The following LCLAT1 variants were observed in gnomAD, a reference collection of about 807,000 sequenced individuals.
LCLAT1 encodes lysocardiolipin acyltransferase 1, also known as 1-AGP acyltransferase 8.
Under a neutral mutation model 30.7 loss-of-function variants are expected in LCLAT1, and 11 were observed. That is an observed-to-expected ratio of 0.36 (90% confidence interval 0.23 to 0.59). The LOEUF is 0.59. LCLAT1 is among the 20% of genes least tolerant of loss of function. The probability of loss-of-function intolerance (pLI) is 0.77; values close to 1 mark genes in which losing one functional copy is unlikely to be tolerated. For missense variants in LCLAT1, 402 were observed against 458.6 expected (o/e 0.88, Z 1.13); for synonymous variants, 155 against 151.3 (o/e 1.02, Z -0.18).
At chr2:30,622,912 A>G (rs776878907) in intron 5 of LCLAT1, among the ~76,000 whole-genome samples, 2 of 152,330 alleles carry the variant, frequency 1.3e-5, no homozygotes, top group East Asian at 1.9e-4. Context: ...AAGAGCCCCA[A>G]AAGATCACCT....
At chr2:30,473,008 A>T (rs1296959333) in intron 1 of LCLAT1, among the ~76,000 whole-genome samples, 2 of 152,192 alleles carry the variant, frequency 1.3e-5, no homozygotes, top group South Asian at 4.1e-4. Flanking sequence ...GTTGAAAAAA[A>T]AATGATTTGT....
chr2:30,553,980 G>T (rs1664798992), intron 3 of LCLAT1, among the ~76,000 whole-genome samples: 2 of 152,148 alleles, frequency 1.3e-5, no homozygotes, highest in South Asian at 4.1e-4. Flanking sequence ...GATACAATTT[G>T]CATTGATGAC....
intron 5 of LCLAT1, among the ~76,000 whole-genome samples, chr2:30,570,408 G>C (rs1475921796): frequency 6.6e-6 from 1 of 152,168 alleles, no homozygotes; most frequent in African/African-American, 2.4e-5. Context: ...TAGTATAGCA[G>C]CTAACGTTAA....
chr2:30,611,150 A>AT (rs1414660468), intron 5 of LCLAT1, among the ~76,000 whole-genome samples: 9 of 133,044 alleles, frequency 6.8e-5, no homozygotes, highest in Non-Finnish European at 9.7e-5. Flanking sequence ...CTTTTTGTCC[A>AT]TTTTTTTTCT....
intron 1 of LCLAT1, chr2:30,459,567 G>A: frequency 7.7e-7 from 1 of 1,300,524 alleles, no homozygotes; most frequent in Non-Finnish European, 1.1e-6. Context: ...AAAACAGAGT[G>A]GGTACTCTCT....
intron 5 of LCLAT1, among the ~76,000 whole-genome samples, chr2:30,581,838 A>G (rs1238980835): frequency 6.6e-6 from 1 of 152,194 alleles, no homozygotes; most frequent in Non-Finnish European, 1.5e-5. Flanking sequence ...GTGTTCTATA[A>G]CACTGTGGGG....
At chr2:30,629,046 T>C (rs115700239) in intron 5 of LCLAT1, among the ~76,000 whole-genome samples, 1,710 of 152,200 alleles carry the variant, frequency 0.011, 42 homozygotes, top group African/African-American at 0.037. Flanking sequence ...AAACAACTTA[T>C]AGAAAATGGA....
At chr2:30,469,531 G>C (rs1682661491) in intron 1 of LCLAT1, among the ~76,000 whole-genome samples, 1 of 149,294 alleles carries the variant, frequency 6.7e-6, no homozygotes, top group African/African-American at 2.5e-5. Context: ...TAGATGTATG[G>C]TCATAATTCT....
chr2:30,572,720 T>G (rs1665836797), intron 5 of LCLAT1, among the ~76,000 whole-genome samples: 1 of 152,024 alleles, frequency 6.6e-6, no homozygotes, highest in South Asian at 2.1e-4. Context: ...GGTTTTTTTT[T>G]TCTATTTCCA....
chr2:30,601,484 C>T (rs796392215), intron 5 of LCLAT1, among the ~76,000 whole-genome samples: 25 of 152,258 alleles, frequency 1.6e-4, no homozygotes, highest in African/African-American at 6.0e-4. Flanking sequence ...AAGCAGAACA[C>T]TAACTTCACA....
intron 3 of LCLAT1, among the ~76,000 whole-genome samples, chr2:30,560,317 TG>T (rs2148438320): frequency 6.6e-6 from 1 of 151,282 alleles, no homozygotes; most frequent in Admixed American, 6.6e-5. Context: ...TGTGTGTGTG[TG>T]TGTGTGTATT....
chr2:30,623,220 A>G (rs1351301097), intron 5 of LCLAT1, among the ~76,000 whole-genome samples: 1 of 151,676 alleles, frequency 6.6e-6, no homozygotes, highest in Non-Finnish European at 1.5e-5. Flanking sequence ...CGCCCAGCTA[A>G]TTTTTTGTAT....
At chr2:30,581,652 C>T (rs955600890) in intron 5 of LCLAT1, among the ~76,000 whole-genome samples, 2 of 152,060 alleles carry the variant, frequency 1.3e-5, no homozygotes, top group African/African-American at 4.8e-5. Context: ...TAAAATAAAC[C>T]AGGCACAGAA....
At chr2:30,600,988 A>ATTCTT (rs1411127563) in intron 5 of LCLAT1, among the ~76,000 whole-genome samples, 2 of 151,362 alleles carry the variant, frequency 1.3e-5, no homozygotes, top group African/African-American at 4.9e-5. Flanking sequence ...ATTTCTTTTA[A>ATTCTT]TTCTTTTTTC....
intron 5 of LCLAT1, among the ~76,000 whole-genome samples, chr2:30,631,688 A>T (rs1459206239): frequency 6.6e-6 from 1 of 152,170 alleles, no homozygotes; most frequent in Non-Finnish European, 1.5e-5. Flanking sequence ...CAAATTTCAG[A>T]TGTTTTCACT....
chr2:30,520,588 G>A (rs865778283), intron 1 of LCLAT1, among the ~76,000 whole-genome samples: 1 of 152,064 alleles, frequency 6.6e-6, no homozygotes, highest in Non-Finnish European at 1.5e-5. Context: ...TAAAATTAAG[G>A]TAATGAAAAT....
chr2:30,512,817 T>C (rs1309275338), intron 1 of LCLAT1, among the ~76,000 whole-genome samples: 2 of 152,202 alleles, frequency 1.3e-5, no homozygotes, highest in African/African-American at 2.4e-5. Flanking sequence ...AAAATAAATG[T>C]TCCCCCTTCT....
At chr2:30,533,347 A>C in intron 3 of LCLAT1, 33 bp downstream of exon 3, 1 of 1,573,466 alleles carries the variant, frequency 6.4e-7, no homozygotes, top group Non-Finnish European at 8.7e-7. Flanking sequence ...TAAGTGGTTC[A>C]TTCATTTTAG....
intron 1 of LCLAT1, among the ~76,000 whole-genome samples, chr2:30,479,916 C>T (rs539250220): frequency 6.6e-6 from 1 of 152,186 alleles, no homozygotes; most frequent in Non-Finnish European, 1.5e-5. Context: ...TTTTAGGTAA[C>T]TCATTGACCT....
Sources: gnomAD v4.1 joint callset for allele counts (sites outside exome capture counted in the v4.1 genomes callset) on GRCh38, gnomAD v4.1.1 for gene constraint, MANE v1.5 for transcripts, NCBI Gene and HGNC (gene_info 2026-07-23, HGNC 2026-07-21) for gene names.